Variants in ATRNL1 observed in about 807,000 individuals in gnomAD.
ATRNL1 encodes the protein attractin-like protein 1.
In ATRNL1, 95 loss-of-function variants were observed where a neutral mutation model predicts 182.7. The ratio of observed to expected loss-of-function variants is 0.52; its 90% CI spans 0.44 to 0.62. The LOEUF is 0.62. ATRNL1 is among the 20% of genes least tolerant of loss of function. The pLI, the probability that ATRNL1 is intolerant of heterozygous loss-of-function variation, is 0.00. For synonymous variants in ATRNL1, 576 were observed against 568.3 expected, an observed-to-expected ratio of 1.01 and a Z score of -0.19; for missense variants, 1,471 against 1,679.5, an observed-to-expected ratio of 0.88 and a Z score of 2.17.
chr10:115,649,543 T>A (rs1281788431), intron 26 of ATRNL1, among the ~76,000 whole-genome samples: 5 of 152,110 alleles, frequency 3.3e-5, no homozygotes, highest in African/African-American at 1.2e-4. Context: ...ATCTGGGAAA[T>A]AAGTTTGTTA....
At chr10:115,838,043 A>G (rs1385485003) in intron 27 of ATRNL1, among the ~76,000 whole-genome samples, 1 of 152,144 alleles carries the variant, frequency 6.6e-6, no homozygotes, top group Non-Finnish European at 1.5e-5. Context: ...ATAATCCTCA[A>G]TGTAAACTTT....
chr10:115,645,595 T>G (rs1231422415), intron 26 of ATRNL1, among the ~76,000 whole-genome samples: 1 of 151,748 alleles, frequency 6.6e-6, no homozygotes, highest in Non-Finnish European at 1.5e-5. Flanking sequence ...ATTTTGTCAT[T>G]TAACCAAACT....
chr10:115,225,674 A>G (rs1282153792), intron 9 of ATRNL1, among the ~76,000 whole-genome samples: 2 of 150,998 alleles, frequency 1.3e-5, no homozygotes, highest in Non-Finnish European at 3.0e-5. Flanking sequence ...TATGTGCAGG[A>G]TCTTTACACA....
intron 21 of ATRNL1, among the ~76,000 whole-genome samples, chr10:115,454,327 G>A (rs1457181568): frequency 6.6e-6 from 1 of 151,942 alleles, no homozygotes; most frequent in African/African-American, 2.4e-5. Flanking sequence ...TTGAAATCAG[G>A]GGTATGATAC....
At chr10:115,264,694 C>G (rs570157556) in intron 10 of ATRNL1, among the ~76,000 whole-genome samples, 7 of 150,920 alleles carry the variant, frequency 4.6e-5, no homozygotes, top group Non-Finnish European at 8.9e-5. Context: ...TATAAAAAAG[C>G]TTTTTTGAGA....
intron 26 of ATRNL1, among the ~76,000 whole-genome samples, chr10:115,680,205 A>G (rs1397387548): frequency 6.6e-6 from 1 of 152,112 alleles, no homozygotes. Context: ...TAACCCTGAA[A>G]TATCAATGGC....
At chr10:115,354,602 T>G in intron 19 of ATRNL1, among the ~76,000 whole-genome samples, 1 of 152,156 alleles carries the variant, frequency 6.6e-6, no homozygotes, top group East Asian at 1.9e-4. Flanking sequence ...TTCTTCTTGT[T>G]GCTTCTAGGA....
intron 27 of ATRNL1, among the ~76,000 whole-genome samples, chr10:115,823,322 T>C (rs1400867194): frequency 1.3e-5 from 2 of 152,102 alleles, no homozygotes; most frequent in African/African-American, 4.8e-5. Flanking sequence ...GCCAATAACA[T>C]ACTGAATGGG....
intron 10 of ATRNL1, among the ~76,000 whole-genome samples, chr10:115,252,053 G>A (rs889852679): frequency 1.3e-5 from 2 of 152,124 alleles, no homozygotes; most frequent in Non-Finnish European, 2.9e-5. Flanking sequence ...TTGAGACAGA[G>A]CCTTGCTCTG....
intron 28 of ATRNL1, among the ~76,000 whole-genome samples, chr10:115,910,245 C>A (rs2134519808): frequency 6.6e-6 from 1 of 152,300 alleles, no homozygotes; most frequent in East Asian, 1.9e-4. Context: ...CTGCTGCTAC[C>A]ACATTCTCAG....
At chr10:115,488,329 C>T (rs546269718) in intron 24 of ATRNL1, among the ~76,000 whole-genome samples, 26 of 152,182 alleles carry the variant, frequency 1.7e-4, no homozygotes, top group African/African-American at 6.0e-4. Context: ...TGGTAGAATT[C>T]GGCTGTGAAT....
At chr10:115,479,448 A>G (rs1848667019) in intron 24 of ATRNL1, among the ~76,000 whole-genome samples, 1 of 151,522 alleles carries the variant, frequency 6.6e-6, no homozygotes, top group Non-Finnish European at 1.5e-5. Flanking sequence ...TGATTAATTT[A>G]TGTACTTTGG....
intron 8 of ATRNL1, among the ~76,000 whole-genome samples, chr10:115,175,764 C>T (rs1316767079): frequency 3.3e-5 from 5 of 152,002 alleles, no homozygotes; most frequent in African/African-American, 1.2e-4. Context: ...TTTGAATTTG[C>T]TGCTTACATG....
At chr10:115,344,032 A>G (rs760120152) in intron 19 of ATRNL1, among the ~76,000 whole-genome samples, 2 of 152,172 alleles carry the variant, frequency 1.3e-5, no homozygotes, top group South Asian at 2.1e-4. Flanking sequence ...TGGAGTGACA[A>G]AAGTACCACC....
chr10:115,946,104 G>C lies in ATRNL1; in HGVS notation c.*1325G>C, dbSNP rs1305841784. On this transcript the variant is annotated 3_prime_UTR_variant, in exon 29 of 29. Transcript: ENST00000355044. Reference sequence around the variant, plus strand: ...CAGTTTCCTCACTTCAGGGTGACAAGATATGTATAACAGTGACAGAAATCT... The same window carrying C: ...CAGTTTCCTCACTTCAGGGTGACAACATATGTATAACAGTGACAGAAATCT... The C allele has an allele frequency of 6.6e-6, 1 of 152,202 alleles. No individual in the cohort carries two copies. The allele number at this position is 152,202 out of a possible 1,614,324, so 9.4% of individuals were successfully genotyped here. A position where few individuals can be genotyped will look rare whatever the true frequency, so the allele number is the denominator to read the frequency against.
At chr10:115,149,876 CTTTT>C (rs57382865) in intron 5 of ATRNL1, among the ~76,000 whole-genome samples, 2 of 123,268 alleles carry the variant, frequency 1.6e-5, no homozygotes. Context: ...TCTCCTTTTC[CTTTT>C]TTTTTTTTTT....
chr10:115,675,393 G>A (rs1945828802), intron 26 of ATRNL1, among the ~76,000 whole-genome samples: 1 of 152,066 alleles, frequency 6.6e-6, no homozygotes, highest in African/African-American at 2.4e-5. Flanking sequence ...AGAAGAAGGA[G>A]AAGAAGAACA....
intron 7 of ATRNL1, among the ~76,000 whole-genome samples, chr10:115,168,371 C>T (rs1554884801): frequency 1.3e-5 from 2 of 152,048 alleles, no homozygotes; most frequent in African/African-American, 4.8e-5. Flanking sequence ...GTCAAATTCA[C>T]TTTTTGAAGA....
At chr10:115,520,505 A>G (rs1418859004) in intron 25 of ATRNL1, among the ~76,000 whole-genome samples, 13 of 152,140 alleles carry the variant, frequency 8.5e-5, no homozygotes, top group African/African-American at 2.7e-4. Flanking sequence ...TTCCAATAAA[A>G]CTTTATTATA....
Sources: gnomAD v4.1 joint callset for allele counts (sites outside exome capture counted in the v4.1 genomes callset) on GRCh38, gnomAD v4.1.1 for gene constraint, MANE v1.5 for transcripts, NCBI Gene and HGNC (gene_info 2026-07-23, HGNC 2026-07-21) for gene names.